The following TLR3 variants were observed in gnomAD, a reference collection of about 807,000 sequenced individuals.
TLR3 encodes the protein toll like receptor 3.
A neutral mutation model predicts 66.4 loss-of-function variants in TLR3; 43 were observed. That is an observed-to-expected ratio of 0.65 (90% CI 0.51 to 0.83). The LOEUF is 0.83. Among genes scored for constraint, TLR3 ranks in the 40% least tolerant of loss-of-function variants. The pLI is 0.00. For missense variants in TLR3, 982 were observed against 1,044.6 expected (o/e 0.94, Z 0.83); for synonymous variants, 397 against 397.2 (o/e 1.00, Z 0.01).
chr4:186,074,583 C>T (rs1020447299), intron 1 of TLR3, among the ~76,000 whole-genome samples: 1 of 152,166 alleles, frequency 6.6e-6, no homozygotes, highest in African/African-American at 2.4e-5. Context: ...ATGAACACTG[C>T]ACACTTAGGT....
intron 3 of TLR3, among the ~76,000 whole-genome samples, chr4:186,079,808 G>C (rs1463498335): frequency 2.0e-5 from 3 of 152,188 alleles, no homozygotes; most frequent in Non-Finnish European, 4.4e-5. Flanking sequence ...TTGCGAGAAG[G>C]CAACGGGCAT....
chr4:186,073,198 C>T (rs754324203), intron 1 of TLR3, among the ~76,000 whole-genome samples: 1 of 151,932 alleles, frequency 6.6e-6, no homozygotes, highest in African/African-American at 2.4e-5. Flanking sequence ...CAGAACAATC[C>T]GGTGGGGGAA....
At chr4:186,078,116 G>A (rs1416524246) in intron 2 of TLR3, among the ~76,000 whole-genome samples, 1 of 152,112 alleles carries the variant, frequency 6.6e-6, no homozygotes, top group African/African-American at 2.4e-5. Context: ...AGAAATCATT[G>A]CAAAATGTTA....
Position 186,083,672 on chromosome 4 carries a change from C to A in TLR3, c.1986C>A (p.Asn662Lys), listed in dbSNP as rs149490656. ...ESIAWFVNWI[N>K]ETHTNIPELS... is the part of the protein sequence containing the mutation. ...TTGCCTGGTTTGTTAATTGGATTAA[C>A]GAGACCCATACCAACATCCCTGAGC... The change falls in exon 4 of 5, where the codon AAC (asparagine) becomes AAA (lysine). Residue 662 changes from asparagine (N) to lysine (K), a missense_variant. By Grantham distance (94) the Asn-to-Lys change is moderately conservative. This residue lies in a region of TLR3 where 666 missense variants were observed against 709.0 expected (regional missense o/e 0.94). Coordinates refer to ENST00000296795, the MANE Select transcript of TLR3 (RefSeq NM_003265.3). The surrounding 1 kb of genome is among the most constrained non-coding windows in gnomAD (Gnocchi z 4.0). The A allele has an allele frequency of 4.4e-6, 7 of 1,597,458 alleles. No individual in the cohort carries two copies. In the African/African-American group the frequency reaches 8.1e-5, roughly 18 times the overall value.
At chr4:186,074,466 C>G (rs1680506676) in intron 1 of TLR3, among the ~76,000 whole-genome samples, 1 of 152,224 alleles carries the variant, frequency 6.6e-6, no homozygotes, top group African/African-American at 2.4e-5. Context: ...AGGGCACTTA[C>G]CACGAGTGGA....
At chr4:186,075,999 T>C (rs1976802) in intron 1 of TLR3, among the ~76,000 whole-genome samples, 148,379 of 152,210 alleles carry the variant, frequency 0.97, 72,455 homozygotes, top group Non-Finnish European at 1. Context: ...ACTAAAAATA[T>C]AAAAATTAGC....
Position 186,083,607 on chromosome 4 carries a change from G to C in TLR3, c.1921G>C (p.Asp641His), listed in dbSNP as rs138505418. 6 of 1,610,270 alleles carry C rather than the reference G, an allele frequency of 3.7e-6. No homozygotes were observed. The African/African-American group carries it at 5.4e-5, about 14-fold the overall frequency. ...AGCTTTCAGGAACCTGACTGAGTTA[G>C]ATATGCGCTTTAATCCCTTTGATTG... Reference protein sequence around the residue: ...GPAFRNLTELDMRFNPFDCTC... With the variant: ...GPAFRNLTELHMRFNPFDCTC... The change falls in exon 4 of 5, where the codon GAT becomes CAT. Residue 641 changes from aspartate (D) to histidine (H), a missense_variant. Coordinates refer to ENST00000296795, the MANE Select transcript of TLR3 (RefSeq NM_003265.3). The surrounding 1 kb of genome is among the most constrained non-coding windows in gnomAD (Gnocchi z 4.0).
rs991873679 is a variant in TLR3, at chr4:186,083,681, T to C, written c.1995T>C (p.His665=). The C allele has an allele frequency of 1.9e-6, 3 of 1,599,074 alleles. No homozygotes were observed. Among genetic ancestry groups the C allele is most frequent in the South Asian group, 2.3e-5 (2 of 88,032 alleles). ...AWFVNWINET[H]TNIPELSSHY... is the part of the protein sequence containing the mutation. ...TTGTTAATTGGATTAACGAGACCCA[T>C]ACCAACATCCCTGAGCTGTCAAGCC... is the stretch of plus-strand genomic sequence containing the variant. Residue 665 remains histidine (H), a synonymous_variant, in exon 4 of 5, where the codon CAT becomes CAC. Transcript: ENST00000296795. This position sits in a 1 kb window ranked among gnomAD's most constrained non-coding sequence, Gnocchi z 4.0.
At position 186,084,060 on chromosome 4, in the gene TLR3, G is replaced by A. The variant is rs2099303973; in HGVS notation, c.2374G>A (p.Asp792Asn). The A allele has an allele frequency of 1.2e-6, 2 of 1,614,112 alleles. No homozygotes were observed. Among genetic ancestry groups the A allele is most frequent in the South Asian group, 1.1e-5 (1 of 91,078 alleles). The change falls in exon 4 of 5, where the codon GAC (aspartate) becomes AAC (asparagine). Residue 792 changes from aspartate to asparagine, a missense_variant. Transcript: ENST00000296795. ...QSLKFCLEER[D>N]FEAGVFELEA... is the part of the protein sequence containing the mutation. The stretch of plus-strand genomic sequence containing the variant: ...TCTCAAATTTTGTCTGGAAGAAAGG[G>A]ACTTTGAGGCGGGTGTTTTTGAACT...
At position 186,082,649 on chromosome 4, in the gene TLR3, T is replaced by A. The variant is rs2099303733; in HGVS notation, c.963T>A (p.Leu321=). 6.2e-7 allele frequency: 1 copy of A among 1,614,050 alleles called. No homozygotes were observed. The highest frequency in any genetic ancestry group is 8.5e-7 in the Non-Finnish European group (1 of 1,179,914). ...TGTTTTCTCACTCTTTGCACGGGCTTTTCAATGTGAGGTACCTGAATTTGA... is the reference window on the plus strand; with the variant it reads ...TGTTTTCTCACTCTTTGCACGGGCTATTCAATGTGAGGTACCTGAATTTGA... ...QHLFSHSLHG[L]FNVRYLNLKR... is the part of the protein sequence containing the mutation. The change falls in exon 4 of 5, where the codon CTT becomes CTA. Residue 321 remains leucine (L), a synonymous_variant. Coordinates refer to ENST00000296795, the MANE Select transcript of TLR3 (RefSeq NM_003265.3).
At position 186,083,688 on chromosome 4, in the gene TLR3, A is replaced by G. The variant is rs1429601720; in HGVS notation, c.2002A>G (p.Ile668Val). The G allele has an allele frequency of 6.3e-7, 1 of 1,598,436 alleles. No individual in the cohort carries two copies. Among genetic ancestry groups the G allele is most frequent in the Non-Finnish European group, 8.5e-7 (1 of 1,172,022 alleles). ...TTGGATTAACGAGACCCATACCAAC[A>G]TCCCTGAGCTGTCAAGCCACTACCT... ...VNWINETHTN[I>V]PELSSHYLCN... Residue 668 changes from isoleucine to valine, a missense_variant, in exon 4 of 5, where the codon ATC (isoleucine) becomes GTC (valine). Ile to Val is a conservative substitution (Grantham distance 29). Transcript: ENST00000296795. This position sits in a 1 kb window ranked among gnomAD's most constrained non-coding sequence, Gnocchi z 4.0.
rs986186977 is a variant in TLR3, at chr4:186,087,848, G to A, written c.*2975G>A. 6.6e-6 allele frequency: 1 copy of A among 152,192 alleles called. No individual in the cohort carries two copies. The highest frequency in any genetic ancestry group is 1.5e-5 in the Non-Finnish European group (1 of 68,038). 9.4% of individuals were successfully genotyped at this position (152,192 alleles called of 1,614,324 possible). A position where few individuals can be genotyped will look rare whatever the true frequency, so the allele number is the denominator to read the frequency against. ...CAATCTATTGAGACACAAAGCAGAT[G>A]AGTGGTTGTCTGGGCCTAGGAACAG... On this transcript the variant is annotated 3_prime_UTR_variant, in exon 5 of 5. Coordinates refer to ENST00000296795, the MANE Select transcript of TLR3 (RefSeq NM_003265.3).
Position 186,082,359 on chromosome 4 carries a change from G to A in TLR3, c.673G>A (p.Gly225Ser), listed in dbSNP as rs769165460. The change falls in exon 4 of 5, where the codon GGC becomes AGC. Residue 225 changes from glycine to serine, a missense_variant. Gly to Ser is a moderately conservative substitution (Grantham distance 56). Around this residue, in one of 3 missense-constraint regions of TLR3, gnomAD observed 313 missense variants for 319.0 expected, o/e 0.98. Transcript: ENST00000296795. ...GCFHAIGRLF[G>S]LFLNNVQLGP... The stretch of plus-strand genomic sequence containing the variant: ...TTTTCACGCAATTGGAAGATTATTT[G>A]GCCTCTTTCTGAACAATGTCCAGCT... 1 of 1,610,790 alleles carries A rather than the reference G, an allele frequency of 6.2e-7. No homozygotes were observed. The highest frequency in any genetic ancestry group is 8.5e-7 in the Non-Finnish European group (1 of 1,179,422).
Position 186,081,223 on chromosome 4 carries a change from C to T in TLR3, c.634-1097C>T, listed in dbSNP as rs1370431586. Among the ~76,000 whole-genome samples, 5 of 150,622 alleles carry T rather than the reference C, an allele frequency of 3.3e-5. No homozygotes were observed. The East Asian group carries it at 9.9e-4, about 30-fold the overall frequency. ...GGCAAGGGTTGCAGGGAGCTGAGAT[C>T]GCACCACTGCACTCCACCCTGGGGG... On this transcript the variant is annotated intron_variant, in intron 3 of 4. Coordinates refer to ENST00000296795, the MANE Select transcript of TLR3 (RefSeq NM_003265.3).
chr4:186,081,504 CGA>C (rs1290651089), intron 3 of TLR3: 1 of 152,390 alleles, frequency 6.6e-6, no homozygotes, highest in Admixed American at 6.6e-5. Flanking sequence ...GGTGGAAAGA[CGA>C]GAGGGAGAGC....
chr4:186,076,510 A>G (rs1479272992), intron 1 of TLR3, 103 bp from the exon 2 acceptor site: 7 of 1,087,442 alleles, frequency 6.4e-6, no homozygotes, highest in Admixed American at 3.6e-5. Flanking sequence ...AACATCATAC[A>G]TGGTCATATT....
rs762762392 is a variant in TLR3 at position 186,076,691 on chromosome 4, C to T, written c.72C>T (p.Ser24=). ...CCTTTGGGATGCTGTGTGCATCCTC[C>T]ACCACCAAGTGCACTGTTAGCCATG... The part of the protein sequence containing the change: ...LLPFGMLCAS[S]TTKCTVSHEV... Residue 24 remains serine (S), a synonymous_variant, in exon 2 of 5, where the codon TCC becomes TCT. Transcript: ENST00000296795. 5.0e-6 allele frequency: 8 copies of T among 1,614,162 alleles called. No individual in the cohort carries two copies. Among genetic ancestry groups the T allele is most frequent in the Admixed American group, 1.7e-5 (1 of 60,024 alleles).
intron 1 of TLR3, among the ~76,000 whole-genome samples, chr4:186,074,277 G>C (rs2150065740): frequency 6.6e-6 from 1 of 152,352 alleles, no homozygotes; most frequent in African/African-American, 2.4e-5. Context: ...GTCACAGGGA[G>C]TGCTTACACA....
At chr4:186,081,905 T>C (rs2099303554) in intron 3 of TLR3, 1 of 194,970 alleles carries the variant, frequency 5.1e-6, no homozygotes, top group Non-Finnish European at 1.1e-5. Context: ...CCATGGGATG[T>C]GGTGAAGGGT....
Sources: gnomAD v4.1 joint callset for allele counts (sites outside exome capture counted in the v4.1 genomes callset) on GRCh38, gnomAD v4.1.1 for gene constraint, gnomAD v4.1.1 regional missense constraint, Gnocchi (gnomAD v3.1) non-coding constraint, MANE v1.5 for transcripts, NCBI Gene and HGNC (gene_info 2026-07-23, HGNC 2026-07-21) for gene names.